RBMS2: variants seen among roughly 807,000 people sequenced by gnomAD.
RBMS2 encodes RNA-binding motif, single-stranded-interacting protein 2.
RBMS2 carries 38 observed loss-of-function variants against 58.4 expected under a neutral mutation model. The observed-to-expected ratio is 0.65, with a 90% CI of 0.50 to 0.85. RBMS2 has a LOEUF of 0.85. RBMS2 is among the 40% of genes least tolerant of loss of function. The probability of loss-of-function intolerance (pLI) is 0.00; values close to 1 mark genes in which losing one functional copy is unlikely to be tolerated. For synonymous variants in RBMS2, 151 were observed against 180.7 expected, an observed-to-expected ratio of 0.84 and a Z score of 1.32; for missense variants, 367 against 503.7, an observed-to-expected ratio of 0.73 and a Z score of 2.60.
At chr12:56,550,754 A>G (rs1192195941) in intron 1 of RBMS2, among the ~76,000 whole-genome samples, 2 of 151,746 alleles carry the variant, frequency 1.3e-5, no homozygotes, top group Admixed American at 6.6e-5. Flanking sequence ...AGGTAGGAGA[A>G]TCGCTTGAAC....
chr12:56,520,839 A>G (rs1159387676), upstream of RBMS2, among the ~76,000 whole-genome samples: 2 of 152,144 alleles, frequency 1.3e-5, no homozygotes, highest in African/African-American at 4.8e-5. Flanking sequence ...TAATTGTTTC[A>G]GTTTCATGGA....
Position 56,572,004 on chromosome 12 carries a change from T to C in RBMS2, c.542+149T>C, listed in dbSNP as rs1472253527. 3 of 934,402 alleles carry C rather than the reference T, an allele frequency of 3.2e-6. No individual in the cohort carries two copies. In the African/African-American group the frequency reaches 5.2e-5, roughly 16 times the overall value. 57.9% of individuals were successfully genotyped at this position (934,402 alleles called of 1,614,324 possible). A position where few individuals can be genotyped will look rare whatever the true frequency, so the allele number is the denominator to read the frequency against. On this transcript the variant is annotated intron_variant, in intron 5 of 13. Transcript: ENST00000262031. ...CTTGATGGTAAGTCAAAAGTTCATTTTAGGCCAGGTGCGGTGGCTTACACC... is the reference window on the plus strand; with the variant it reads ...CTTGATGGTAAGTCAAAAGTTCATTCTAGGCCAGGTGCGGTGGCTTACACC...
At chr12:56,540,061 C>T (rs187072610) in intron 1 of RBMS2, among the ~76,000 whole-genome samples, 172 of 152,208 alleles carry the variant, frequency 1.1e-3, no homozygotes, top group African/African-American at 3.7e-3. Flanking sequence ...AGGCCACAGC[C>T]TTCTTTTTGT....
At chr12:56,531,489 C>T (rs1873708621) in intron 1 of RBMS2, among the ~76,000 whole-genome samples, 2 of 151,988 alleles carry the variant, frequency 1.3e-5, no homozygotes, top group Admixed American at 6.6e-5. Context: ...GTGTGACCAG[C>T]GCCAGGTGTC....
rs1884864224 is a variant in RBMS2, at chr12:56,587,704, G to C, written c.1062+40G>C. 6 of 1,594,342 alleles carry C rather than the reference G, an allele frequency of 3.8e-6. No individual in the cohort carries two copies. The Admixed American group carries it at 1.0e-4, about 27-fold the overall frequency. ...TTCTGATTGTAAACTCTCCTACTGA[G>C]CAAGGCATACCTGTGTAATACTCTT... On this transcript the variant is annotated intron_variant, in intron 11 of 13. Coordinates refer to ENST00000262031, the MANE Select transcript of RBMS2 (RefSeq NM_002898.4).
chr12:56,574,496 C>A (rs1418062388), intron 5 of RBMS2, among the ~76,000 whole-genome samples: 1 of 152,116 alleles, frequency 6.6e-6, no homozygotes, highest in Non-Finnish European at 1.5e-5. Flanking sequence ...AATGTTGAAG[C>A]AGTGTACAAT....
upstream of RBMS2, among the ~76,000 whole-genome samples, chr12:56,521,732 A>G (rs897994197): frequency 2.6e-5 from 4 of 151,610 alleles, no homozygotes; most frequent in African/African-American, 9.7e-5. Context: ...AAAACAAACA[A>G]AAAAAAACAT....
intron 5 of RBMS2, among the ~76,000 whole-genome samples, chr12:56,580,861 A>G (rs1244967448): frequency 3.3e-5 from 5 of 152,272 alleles, no homozygotes; most frequent in Non-Finnish European, 7.3e-5. Flanking sequence ...AGAATTTTCT[A>G]ATAAAAAATA....
Position 56,593,752 on chromosome 12 carries a change from G to C in RBMS2, c.*4619G>C, listed in dbSNP as rs1885483275. ...AGTAGAGACAGGGTTTTGCCACATTGCCCAGGCTGGTGTTGAACTCCTGGG... is the reference window on the plus strand; with the variant it reads ...AGTAGAGACAGGGTTTTGCCACATTCCCCAGGCTGGTGTTGAACTCCTGGG... On this transcript the variant is annotated 3_prime_UTR_variant, in exon 14 of 14. Transcript: ENST00000262031. 6.6e-6 allele frequency: 1 copy of C among 152,042 alleles called. No individual in the cohort carries two copies. Among genetic ancestry groups the C allele is most frequent in the African/African-American group, 2.4e-5 (1 of 41,310 alleles). The allele number at this position is 152,042 out of a possible 1,614,324, so 9.4% of individuals were successfully genotyped here.
chr12:56,587,566 A>T lies in RBMS2; in HGVS notation c.964A>T (p.Thr322Ser), dbSNP rs1364851702. The T allele has an allele frequency of 1.2e-6, 2 of 1,613,778 alleles. No homozygotes were observed. Among genetic ancestry groups the T allele is most frequent in the Admixed American group, 3.3e-5 (2 of 60,000 alleles). Residue 322 changes from threonine (T) to serine (S), a missense_variant, in exon 11 of 14, where the codon ACA becomes TCA. Thr to Ser is a moderately conservative substitution (Grantham distance 58). This residue lies in a region of RBMS2 where 220 missense variants were observed against 261.1 expected (regional missense o/e 0.84). Transcript: ENST00000262031. ...TTGCTGCCTCTAGGGTTCAGTTCTGACACCAGGGATGGACCATCCCATTTC... is the reference window on the plus strand; with the variant it reads ...TTGCTGCCTCTAGGGTTCAGTTCTGTCACCAGGGATGGACCATCCCATTTC... ...YLMQPSGSVL[T>S]PGMDHPISLQ...
chr12:56,578,767 C>A (rs1218356340), intron 5 of RBMS2, among the ~76,000 whole-genome samples: 2 of 151,816 alleles, frequency 1.3e-5, no homozygotes, highest in Non-Finnish European at 2.9e-5. Context: ...AAGTTTGAGA[C>A]CAGCCTGGAC....
chr12:56,566,186 A>G (rs1249995920), intron 2 of RBMS2, among the ~76,000 whole-genome samples: 1 of 152,166 alleles, frequency 6.6e-6, no homozygotes, highest in African/African-American at 2.4e-5. Flanking sequence ...CAGAAGTTCT[A>G]CTAAAAAAGT....
intron 1 of RBMS2, among the ~76,000 whole-genome samples, chr12:56,547,656 T>G (rs941764445): frequency 6.6e-6 from 1 of 150,792 alleles, no homozygotes; most frequent in South Asian, 2.1e-4. Flanking sequence ...TCTTTTCTTT[T>G]TTTTTTTTTT....
At chr12:56,557,087 CTT>C (rs1047592824) in intron 1 of RBMS2, among the ~76,000 whole-genome samples, 16 of 152,098 alleles carry the variant, frequency 1.1e-4, no homozygotes, top group African/African-American at 3.6e-4. Context: ...ATGATGCTCT[CTT>C]GTTGAAGAAT....
intron 2 of RBMS2, among the ~76,000 whole-genome samples, chr12:56,563,870 G>A (rs1880872844): frequency 6.6e-6 from 1 of 152,050 alleles, no homozygotes; most frequent in Non-Finnish European, 1.5e-5. Flanking sequence ...GGAATTAAGG[G>A]GACTGTCTTG....
chr12:56,524,240 A>T (rs969758845), intron 1 of RBMS2, among the ~76,000 whole-genome samples: 1 of 151,990 alleles, frequency 6.6e-6, no homozygotes, highest in African/African-American at 2.4e-5. Flanking sequence ...GTTGGGGAGG[A>T]TAGGTAGATA....
chr12:56,529,420 G>T (rs753942820), intron 1 of RBMS2, among the ~76,000 whole-genome samples: 51 of 152,004 alleles, frequency 3.4e-4, no homozygotes, highest in Non-Finnish European at 1.5e-4. Context: ...TTAGCCAGGC[G>T]TGCTGGTGTG....
intron 5 of RBMS2, chr12:56,573,072 T>C: frequency 3.1e-6 from 3 of 953,080 alleles, no homozygotes; most frequent in Non-Finnish European, 3.7e-6. Context: ...TTTTTTTTTT[T>C]AGTTTCAAAA....
At chr12:56,549,460 C>A (rs1877839035) in intron 1 of RBMS2, among the ~76,000 whole-genome samples, 1 of 152,092 alleles carries the variant, frequency 6.6e-6, no homozygotes, top group Non-Finnish European at 1.5e-5. Flanking sequence ...TGAAAGAGAG[C>A]AAATGGAAGG....
Sources: gnomAD v4.1 joint callset for allele counts (sites outside exome capture counted in the v4.1 genomes callset) on GRCh38, gnomAD v4.1.1 for gene constraint, gnomAD v4.1.1 regional missense constraint, MANE v1.5 for transcripts, NCBI Gene and HGNC (gene_info 2026-07-23, HGNC 2026-07-21) for gene names.